The following FHIT variants were observed in gnomAD, a reference collection of about 807,000 sequenced individuals.
FHIT encodes fragile histidine triad diadenosine triphosphatase, also known as bis(5'-adenosyl)-triphosphatase.
FHIT carries 19 observed loss-of-function variants against 17.9 expected under a neutral mutation model. The observed-to-expected ratio is 1.06, with a 90% CI of 0.74 to 1.56. The LOEUF (loss-of-function observed/expected upper bound fraction) is 1.56, where lower values mean the gene tolerates loss of function less well. FHIT is among the 40% of genes most tolerant of loss of function. The pLI, the probability that FHIT is intolerant of heterozygous loss-of-function variation, is 0.00. For missense variants in FHIT, 248 were observed against 189.2 expected, an observed-to-expected ratio of 1.31 and a Z score of -1.82; for synonymous variants, 81 against 69.7, an observed-to-expected ratio of 1.16 and a Z score of -0.81.
At chr3:59,810,732 C>T (rs1027525365) in intron 8 of FHIT, among the ~76,000 whole-genome samples, 13 of 152,182 alleles carry the variant, frequency 8.5e-5, no homozygotes, top group African/African-American at 3.1e-4. Flanking sequence ...CCAAAGTACA[C>T]TGAAAAGGTC....
At chr3:60,998,990 G>A (rs751538877) in intron 3 of FHIT, among the ~76,000 whole-genome samples, 4 of 152,024 alleles carry the variant, frequency 2.6e-5, no homozygotes, top group South Asian at 2.1e-4. Context: ...AAGGAGATAC[G>A]TGAAAGAGTA....
intron 4 of FHIT, among the ~76,000 whole-genome samples, chr3:60,635,772 A>G (rs1446554195): frequency 1.3e-5 from 2 of 152,216 alleles, no homozygotes; most frequent in Non-Finnish European, 2.9e-5. Flanking sequence ...TAGAAAAAGC[A>G]GCCTCGGGAT....
intron 5 of FHIT, among the ~76,000 whole-genome samples, chr3:60,381,775 T>A (rs1363600036): frequency 6.6e-6 from 1 of 150,856 alleles, no homozygotes; most frequent in African/African-American, 2.4e-5. Flanking sequence ...ATCCTCTACA[T>A]GGATAGACTA....
chr3:60,928,919 C>G (rs1381850181), intron 3 of FHIT, among the ~76,000 whole-genome samples: 6 of 152,040 alleles, frequency 3.9e-5, no homozygotes, highest in East Asian at 1.9e-4. Context: ...CAAAAAAAGA[C>G]AATTTTAGAC....
chr3:60,929,144 A>G (rs1301643401), intron 3 of FHIT, among the ~76,000 whole-genome samples: 3 of 152,142 alleles, frequency 2.0e-5, no homozygotes, highest in East Asian at 1.9e-4. Flanking sequence ...TGCAGAAAAG[A>G]CCTTTGACAA....
chr3:60,159,350 G>C lies in FHIT; in HGVS notation c.104-145198C>G, dbSNP rs145096190. On this transcript the variant is annotated intron_variant, in intron 5 of 9. Transcript: ENST00000492590. ...TACCCAGGCTGGTCTCAAACTCCTA[G>C]GCTCAAAGGATCCACCCACCTTGGT... 1.4e-3 allele frequency among the ~76,000 whole-genome samples: 217 copies of C among 152,174 alleles called. 1 individual carries two copies. The highest frequency in any genetic ancestry group is 0.01 in the Middle Eastern group (3 of 294).
chr3:60,984,077 C>T (rs1182631400), intron 3 of FHIT, among the ~76,000 whole-genome samples: 4 of 152,162 alleles, frequency 2.6e-5, no homozygotes, highest in Admixed American at 6.5e-5. Flanking sequence ...CAGAAATCAG[C>T]GTCTGTGGAT....
At chr3:60,860,317 G>T (rs62654843) in intron 3 of FHIT, among the ~76,000 whole-genome samples, 55 of 27,306 alleles carry the variant, frequency 2.0e-3, no homozygotes, top group African/African-American at 3.3e-3. Flanking sequence ...GTATACATGA[G>T]ATACATCATA....
rs977486083 is a variant in FHIT, at chr3:60,301,153, T to C, written c.103+235707A>G. On this transcript the variant is annotated intron_variant, in intron 5 of 9. Transcript: ENST00000492590. ...TTTATCCTAAAATAAAATTTTGACC[T>C]GAAAGTATGATTTTAAAACACTTTA... Among the ~76,000 whole-genome samples, 9 of 152,254 alleles carry C rather than the reference T, an allele frequency of 5.9e-5. No homozygotes were observed. The East Asian group carries it at 9.6e-4, about 16-fold the overall frequency.
At chr3:60,089,707 T>C (rs1329001320) in intron 5 of FHIT, among the ~76,000 whole-genome samples, 1 of 152,192 alleles carries the variant, frequency 6.6e-6, no homozygotes, top group African/African-American at 2.4e-5. Flanking sequence ...CTCACAGATC[T>C]GGGAAATCCA....
intron 4 of FHIT, among the ~76,000 whole-genome samples, chr3:60,612,892 A>G (rs2038829350): frequency 6.6e-6 from 1 of 152,196 alleles, no homozygotes; most frequent in African/African-American, 2.4e-5. Context: ...GCAGTATCTC[A>G]GGTAACTGCC....
At chr3:60,488,979 T>G (rs1419233965) in intron 5 of FHIT, among the ~76,000 whole-genome samples, 2 of 152,230 alleles carry the variant, frequency 1.3e-5, no homozygotes, top group African/African-American at 4.8e-5. Flanking sequence ...TATTCCACAC[T>G]TTCTGCTACA....
intron 8 of FHIT, among the ~76,000 whole-genome samples, chr3:59,848,383 T>C (rs1431090828): frequency 6.6e-6 from 1 of 152,106 alleles, no homozygotes; most frequent in Non-Finnish European, 1.5e-5. Flanking sequence ...TCTATAATCT[T>C]CCCATCAATT....
At chr3:60,202,656 T>C (rs213305) in intron 5 of FHIT, among the ~76,000 whole-genome samples, 144,270 of 152,242 alleles carry the variant, frequency 0.95, 68,406 homozygotes, top group East Asian at 1. Context: ...TCTTCACAAA[T>C]ACTCATTATT....
At chr3:60,635,439 A>C (rs1553683559) in intron 4 of FHIT, among the ~76,000 whole-genome samples, 1 of 152,114 alleles carries the variant, frequency 6.6e-6, no homozygotes, top group African/African-American at 2.4e-5. Context: ...CCCCTCCTTC[A>C]TAAGCCGTTT....
At chr3:59,915,141 G>A (rs572876385) in intron 8 of FHIT, among the ~76,000 whole-genome samples, 8 of 152,226 alleles carry the variant, frequency 5.3e-5, no homozygotes, top group African/African-American at 1.2e-4. Context: ...AGGACACCTC[G>A]GAGGAGGCAT....
At chr3:60,004,878 G>T (rs1470851134) in intron 7 of FHIT, among the ~76,000 whole-genome samples, 1 of 152,096 alleles carries the variant, frequency 6.6e-6, no homozygotes, top group Non-Finnish European at 1.5e-5. Context: ...ACTTTACTAT[G>T]TGCCAGGCAC....
chr3:60,715,009 G>A (rs1553706311), intron 4 of FHIT, among the ~76,000 whole-genome samples: 1 of 152,128 alleles, frequency 6.6e-6, no homozygotes, highest in African/African-American at 2.4e-5. Context: ...AAAGTTGGAG[G>A]CATCATGCTA....
rs33965820 is a variant in FHIT at position 60,544,596 on chromosome 3, ATTTTTT to A, written c.-17-7623_-17-7618del. Among the ~76,000 whole-genome samples, 12 of 124,404 alleles carry A rather than the reference ATTTTTT, an allele frequency of 9.6e-5. No individual in the cohort carries two copies. In the South Asian group the frequency reaches 3.1e-3, roughly 32 times the overall value. 81.6% of individuals were successfully genotyped at this position (124,404 alleles called of 152,430 possible). On this transcript the variant is annotated intron_variant, in intron 4 of 9. Transcript: ENST00000492590. ...AAGTTGGCCAATAATTTCTCAACCT[ATTTTTT>A]TTTTTTTTTTTTTGAGACAGAGTCT...
Sources: allele counts gnomAD v4.1 joint callset (sites outside exome capture counted in the v4.1 genomes callset), GRCh38; gene constraint gnomAD v4.1.1; transcripts MANE v1.5; gene names NCBI Gene and HGNC (gene_info 2026-07-23, HGNC 2026-07-21).